ANO10: variants seen among roughly 807,000 people sequenced by gnomAD.
The protein encoded by ANO10 is anoctamin-10.
In ANO10, 77 loss-of-function variants were observed where a neutral mutation model predicts 74.7. That is an observed-to-expected ratio of 1.03 (90% confidence interval 0.86 to 1.25). ANO10 has a LOEUF of 1.25. ANO10 is among the 50% of genes most tolerant of loss of function. The pLI is 0.00. For missense variants in ANO10, 721 were observed against 778.1 expected (o/e 0.93, Z 0.87); for synonymous variants, 279 against 284.9 (o/e 0.98, Z 0.21).
chr3:43,475,099 A>G (rs934958984), intron 11 of ANO10, among the ~76,000 whole-genome samples: 6 of 152,202 alleles, frequency 3.9e-5, no homozygotes, highest in African/African-American at 4.8e-5. Context: ...ATCTATATAC[A>G]TGCCTTTATA....
chr3:43,436,681 G>A (rs752112616), intron 11 of ANO10, among the ~76,000 whole-genome samples: 7 of 152,130 alleles, frequency 4.6e-5, no homozygotes, highest in Non-Finnish European at 7.3e-5. Flanking sequence ...AGTACTGCCC[G>A]CTCTGCTATT....
At chr3:43,468,317 A>G (rs1194441323) in intron 11 of ANO10, among the ~76,000 whole-genome samples, 1 of 152,198 alleles carries the variant, frequency 6.6e-6, no homozygotes, top group Admixed American at 6.5e-5. Flanking sequence ...GTATTGACAC[A>G]TGGGCCCTTG....
At chr3:43,566,860 A>C (rs2080383101) in intron 7 of ANO10, among the ~76,000 whole-genome samples, 6 of 152,372 alleles carry the variant, frequency 3.9e-5, no homozygotes, top group Admixed American at 2.6e-4. Context: ...TGAGAGAAGA[A>C]GGCTTCAGAC....
chr3:43,603,639 G>A (rs1278268532), intron 2 of ANO10, among the ~76,000 whole-genome samples: 2 of 152,092 alleles, frequency 1.3e-5, no homozygotes, highest in Non-Finnish European at 2.9e-5. Context: ...GATGTTTGGT[G>A]ATCTTTTATT....
At chr3:43,433,043 T>A (rs2093013704) in intron 11 of ANO10, among the ~76,000 whole-genome samples, 1 of 135,620 alleles carries the variant, frequency 7.4e-6, no homozygotes, top group Non-Finnish European at 1.5e-5. Flanking sequence ...CACTGTAACC[T>A]CTGCCTCCCA....
intron 1 of ANO10, among the ~76,000 whole-genome samples, chr3:43,666,613 C>G (rs1032177212): frequency 3.0e-4 from 45 of 152,272 alleles, no homozygotes; most frequent in African/African-American, 9.6e-4. Context: ...TCAATATTCT[C>G]AGTCCATTCT....
intron 11 of ANO10, among the ~76,000 whole-genome samples, chr3:43,539,965 G>A (rs899546152): frequency 6.6e-6 from 1 of 152,134 alleles, no homozygotes; most frequent in African/African-American, 2.4e-5. Context: ...AATGTAATCT[G>A]CAAAAACTGG....
intron 1 of ANO10, among the ~76,000 whole-genome samples, chr3:43,643,840 C>G (rs1184323826): frequency 6.6e-6 from 1 of 151,660 alleles, no homozygotes; most frequent in Non-Finnish European, 1.5e-5. Context: ...CCCGCCACCA[C>G]GCCCAGCTAA....
rs148820989 is a variant in ANO10 at position 43,376,541 on chromosome 3, T to C, written c.1915-9567A>G. 3.5e-4 allele frequency among the ~76,000 whole-genome samples: 53 copies of C among 152,342 alleles called. 2 individuals are homozygous for C. In the East Asian group the frequency reaches 0.01, roughly 29 times the overall value. On this transcript the variant is annotated intron_variant, in intron 12 of 12. Transcript: ENST00000292246. ...ACGAAAGCTACAATTACTTCTGGAA[T>C]GACCATCAACTATGTGTGTTATGGC...
upstream of ANO10, among the ~76,000 whole-genome samples, chr3:43,625,771 T>C (rs2083485548): frequency 6.6e-6 from 1 of 152,200 alleles, no homozygotes; most frequent in Non-Finnish European, 1.5e-5. Context: ...TTCCTCAGTT[T>C]GTCACGTCCT....
At chr3:43,614,676 G>A (rs983845948) in intron 1 of ANO10, among the ~76,000 whole-genome samples, 8 of 150,286 alleles carry the variant, frequency 5.3e-5, no homozygotes, top group African/African-American at 9.8e-5. Flanking sequence ...AGAAAGCAGA[G>A]AGGCAGCAAG....
chr3:43,500,627 G>A (rs2077066983), intron 11 of ANO10, among the ~76,000 whole-genome samples: 2 of 152,200 alleles, frequency 1.3e-5, no homozygotes, highest in Admixed American at 1.3e-4. Flanking sequence ...GATCTCTTAA[G>A]CTTCTGTCCT....
rs1451140661 is a variant in ANO10, at chr3:43,502,595, CCT to C, written c.1797+47123_1797+47124del. On this transcript the variant is annotated intron_variant, in intron 11 of 12. Transcript: ENST00000292246. ...CCTGCAGAACCATGAGCCAAATAAA[CCT>C]CTTTTAAAAACAAGTTACCCAGCCT... 1.6e-4 allele frequency among the ~76,000 whole-genome samples: 25 copies of C among 152,090 alleles called. 1 individual carries two copies. The highest frequency in any genetic ancestry group is 2.4e-5 in the African/African-American group (1 of 41,434).
chr3:43,613,542 G>A lies in ANO10; in HGVS notation c.-11-7679C>T, dbSNP rs755202530. ...TTACATCTGATCCAATGGCCAGTAC[G>A]TTCTTGTAGGTTTCTGAGCAGAGGA... On this transcript the variant is annotated intron_variant, in intron 1 of 12. Transcript: ENST00000292246. Among the ~76,000 whole-genome samples, 12 of 152,202 alleles carry A rather than the reference G, an allele frequency of 7.9e-5. No individual in the cohort carries two copies. The South Asian group carries it at 1.9e-3, about 24-fold the overall frequency.
chr3:43,679,196 G>T (rs2084161940), intron 1 of ANO10, among the ~76,000 whole-genome samples: 1 of 152,204 alleles, frequency 6.6e-6, no homozygotes, highest in Non-Finnish European at 1.5e-5. Context: ...CCTAGTCAAA[G>T]AAAGGGGTGA....
rs532266611 is a variant in ANO10, at chr3:43,477,026, A to G, written c.1798-44299T>C. Among the ~76,000 whole-genome samples, 12 of 152,304 alleles carry G rather than the reference A, an allele frequency of 7.9e-5. No individual in the cohort carries two copies. In the South Asian group the frequency reaches 2.5e-3, roughly 32 times the overall value. On this transcript the variant is annotated intron_variant, in intron 11 of 12. Transcript: ENST00000292246. ...GAAAGTAATGTGTATACATAGTTTT[A>G]AAAAATAAAGACAAAGAATATACAG...
intron 11 of ANO10, among the ~76,000 whole-genome samples, chr3:43,526,572 A>G (rs2078207157): frequency 6.6e-6 from 1 of 152,236 alleles, no homozygotes; most frequent in Admixed American, 6.5e-5. Flanking sequence ...AGGCAAAACT[A>G]AATGGCAATT....
At chr3:43,374,900 G>A (rs890033342) in intron 12 of ANO10, among the ~76,000 whole-genome samples, 14 of 150,946 alleles carry the variant, frequency 9.3e-5, no homozygotes, top group African/African-American at 2.4e-5. Flanking sequence ...GTGGACACAT[G>A]ACTTGAAGTC....
At chr3:43,664,168 G>A (rs193070567) in intron 1 of ANO10, among the ~76,000 whole-genome samples, 4 of 152,088 alleles carry the variant, frequency 2.6e-5, no homozygotes, top group Admixed American at 2.6e-4. Context: ...GCATGGTATT[G>A]GTACCAAAAC....
Sources: gnomAD v4.1 joint callset for allele counts (sites outside exome capture counted in the v4.1 genomes callset) on GRCh38, gnomAD v4.1.1 for gene constraint, MANE v1.5 for transcripts, NCBI Gene and HGNC (gene_info 2026-07-23, HGNC 2026-07-21) for gene names.